POC1A: variants seen among roughly 807,000 people sequenced by gnomAD.
The protein encoded by POC1A is POC1 centriolar protein homolog A.
A neutral mutation model predicts 47.8 loss-of-function variants in POC1A; 34 were observed. That is an observed-to-expected ratio of 0.71 (90% CI 0.54 to 0.95). The LOEUF is 0.95. POC1A is among the 40% of genes least tolerant of loss of function. POC1A has a pLI of 0.00. For missense variants in POC1A, 466 were observed against 528.3 expected, an observed-to-expected ratio of 0.88 and a Z score of 1.16; for synonymous variants, 177 against 207.6, an observed-to-expected ratio of 0.85 and a Z score of 1.27.
chr3:52,144,036 T>C (rs1318895469), intron 6 of POC1A, among the ~76,000 whole-genome samples: 15 of 152,188 alleles, frequency 9.9e-5, no homozygotes, highest in Admixed American at 9.8e-4. Context: ...ACAAACCACA[T>C]ACCTAGCCCT....
chr3:52,077,401 G>A (rs536530545), intron 10 of POC1A, among the ~76,000 whole-genome samples: 8 of 152,242 alleles, frequency 5.3e-5, no homozygotes, highest in Non-Finnish European at 1.0e-4. Flanking sequence ...TGCAGCGTCC[G>A]GCACAGACAT....
At chr3:52,139,654 T>C (rs1037402483) in intron 6 of POC1A, among the ~76,000 whole-genome samples, 3 of 152,148 alleles carry the variant, frequency 2.0e-5, no homozygotes, top group East Asian at 1.9e-4. Flanking sequence ...CATGCAACTA[T>C]CTGACTCACA....
intron 7 of POC1A, among the ~76,000 whole-genome samples, chr3:52,127,514 C>A (rs1704050789): frequency 1.3e-5 from 2 of 151,770 alleles, no homozygotes; most frequent in South Asian, 4.2e-4. Flanking sequence ...CCTCAGCCTC[C>A]CGAGTAGCTG....
intron 9 of POC1A, among the ~76,000 whole-genome samples, chr3:52,121,900 A>C (rs989472482): frequency 6.6e-6 from 1 of 152,224 alleles, no homozygotes; most frequent in Non-Finnish European, 1.5e-5. Flanking sequence ...GGTACTAAAA[A>C]TGGTTTGTGG....
At chr3:52,080,169 C>A (rs561641550) in intron 10 of POC1A, among the ~76,000 whole-genome samples, 1 of 152,298 alleles carries the variant, frequency 6.6e-6, no homozygotes, top group East Asian at 1.9e-4. Context: ...AAGTAACTTG[C>A]CTAAAGTTAC....
At chr3:52,134,440 T>C (rs976108821) in intron 7 of POC1A, among the ~76,000 whole-genome samples, 5 of 152,134 alleles carry the variant, frequency 3.3e-5, no homozygotes, top group Admixed American at 6.5e-5. Flanking sequence ...GAGACCAGCC[T>C]GGCCAACACG....
At chr3:52,116,998 G>A (rs1189207273) in intron 9 of POC1A, among the ~76,000 whole-genome samples, 3 of 152,130 alleles carry the variant, frequency 2.0e-5, no homozygotes, top group Non-Finnish European at 4.4e-5. Context: ...GACCAGCCTG[G>A]CCAACATGGT....
In POC1A at chr3:52,136,163, G is replaced by A. The variant is rs1015144562; in HGVS notation, c.813+2006C>T. ...CCCACAGAGGGGCTGGGTGTCGTCGGTATCCCAGGACAAAGAACCCTTAAA... is the reference window on the plus strand; with the variant it reads ...CCCACAGAGGGGCTGGGTGTCGTCGATATCCCAGGACAAAGAACCCTTAAA... On this transcript the variant is annotated intron_variant, in intron 7 of 10. Coordinates refer to ENST00000296484, the MANE Select transcript of POC1A (RefSeq NM_015426.5). Among the ~76,000 whole-genome samples the A allele has an allele frequency of 2.6e-5, 4 of 152,286 alleles. No homozygotes were observed. In the East Asian group the frequency reaches 7.7e-4, roughly 29 times the overall value.
chr3:52,130,231 G>T (rs895634615), intron 7 of POC1A, among the ~76,000 whole-genome samples: 8 of 152,252 alleles, frequency 5.3e-5, no homozygotes, highest in African/African-American at 1.9e-4. Flanking sequence ...CAGTCAGAGG[G>T]AAAAGCAGAG....
At chr3:52,081,862 G>A (rs1016173138) in intron 10 of POC1A, among the ~76,000 whole-genome samples, 1 of 152,132 alleles carries the variant, frequency 6.6e-6, no homozygotes. Flanking sequence ...GGGGGCAGGA[G>A]AAGCCAGGAA....
chr3:52,148,177 G>A (rs1371754068), intron 4 of POC1A, among the ~76,000 whole-genome samples: 1 of 152,242 alleles, frequency 6.6e-6, no homozygotes, highest in Non-Finnish European at 1.5e-5. Flanking sequence ...GTGCGGGTCA[G>A]CAAGACACAA....
rs1702099484 is a variant in POC1A, at chr3:52,075,873, T to C, written c.*14A>G. 6.2e-7 allele frequency: 1 copy of C among 1,600,012 alleles called. No individual in the cohort carries two copies. The highest frequency in any genetic ancestry group is 1.3e-5 in the African/African-American group (1 of 74,620). On this transcript the variant is annotated 3_prime_UTR_variant, in exon 11 of 11. Coordinates refer to ENST00000296484, the MANE Select transcript of POC1A (RefSeq NM_015426.5). ...CCTGCAAATCCACCGAGCTCCTGAT[T>C]CCTGCTCCCCTGATCATGGTGTTGC...
chr3:52,112,806 G>A (rs989332107), intron 9 of POC1A, among the ~76,000 whole-genome samples: 2 of 152,184 alleles, frequency 1.3e-5, no homozygotes, highest in East Asian at 3.8e-4. Flanking sequence ...AAACTTCGAA[G>A]ATAAAGAGAC....
chr3:52,078,456 T>C (rs1702183360), intron 10 of POC1A, among the ~76,000 whole-genome samples: 1 of 151,840 alleles, frequency 6.6e-6, no homozygotes, highest in African/African-American at 2.4e-5. Flanking sequence ...GGACCTCATT[T>C]TCACAGAAAA....
At chr3:52,140,120 C>T (rs1392400503) in intron 6 of POC1A, among the ~76,000 whole-genome samples, 2 of 152,200 alleles carry the variant, frequency 1.3e-5, no homozygotes, top group East Asian at 3.8e-4. Flanking sequence ...CACGAAACGG[C>T]CCTCAACAAG....
chr3:52,116,636 G>A lies in POC1A; in HGVS notation c.981+5743C>T, dbSNP rs529764135. ...CGATGACCTGCAGAGAGGGGTCAAC[G>A]TGGAAAATTATAAGTGCTCCCATTA... On this transcript the variant is annotated intron_variant, in intron 9 of 10. Transcript: ENST00000296484. Among the ~76,000 whole-genome samples, 22 of 152,294 alleles carry A rather than the reference G, an allele frequency of 1.4e-4. No homozygotes were observed. The South Asian group carries it at 2.9e-3, about 20-fold the overall frequency.
intron 9 of POC1A, among the ~76,000 whole-genome samples, chr3:52,100,453 C>A (rs553483153): frequency 6.6e-6 from 1 of 152,288 alleles, no homozygotes; most frequent in Non-Finnish European, 1.5e-5. Flanking sequence ...CTAAAAGAAT[C>A]ATAACTTCTC....
chr3:52,148,512 C>T (rs954359860), intron 4 of POC1A, among the ~76,000 whole-genome samples: 1 of 152,230 alleles, frequency 6.6e-6, no homozygotes, highest in Non-Finnish European at 1.5e-5. Flanking sequence ...ATGAAATAAG[C>T]TAGAAGTAGG....
At chr3:52,093,913 A>C (rs1286618319) in intron 10 of POC1A, among the ~76,000 whole-genome samples, 1 of 152,204 alleles carries the variant, frequency 6.6e-6, no homozygotes, top group Non-Finnish European at 1.5e-5. Context: ...CCTCTGAAAT[A>C]GGGTGTCCTA....
Sources: allele counts gnomAD v4.1 joint callset (sites outside exome capture counted in the v4.1 genomes callset), GRCh38; gene constraint gnomAD v4.1.1; transcripts MANE v1.5; gene names NCBI Gene and HGNC (gene_info 2026-07-23, HGNC 2026-07-21).